Variants in TSC2 observed in about 807,000 individuals in gnomAD.
The protein encoded by TSC2 is TSC complex subunit 2, also known as tuberin.
Under a neutral mutation model 202.2 loss-of-function variants are expected in TSC2, and 29 were observed. That is an observed-to-expected ratio of 0.14 (90% CI 0.11 to 0.20). TSC2 has a LOEUF of 0.20. Ranked by LOEUF, TSC2 falls within the 10% of genes least tolerant of loss-of-function variation. The pLI is 1.00. For missense variants in TSC2, 2,429 were observed against 2,420.0 expected (o/e 1.00, Z -0.08); for synonymous variants, 1,349 against 1,044.0 (o/e 1.29, Z -5.63).
chr16:2,085,413 CAG>C, intron 36 of TSC2, 91 bp downstream of exon 36: 3 of 1,332,210 alleles, frequency 2.3e-6, no homozygotes, highest in Non-Finnish European at 3.2e-6. Context: ...CAACGCCCCA[CAG>C]AGCTCAACAC....
chr16:2,084,082 A>C (rs2090462282), intron 33 of TSC2, 146 bp from the exon 34 acceptor site: 1 of 1,447,430 alleles, frequency 6.9e-7, no homozygotes, highest in Admixed American at 2.0e-5. Flanking sequence ...CTGCTGCGTC[A>C]ACGGGCGGGG....
Position 2,056,635 on chromosome 16 carries a change from C to T in TSC2, c.649-9C>T, listed in dbSNP as rs781099543. ...TAGGACGGGCGTGAGCCGTCTCCCT[C>T]TCCACCAGGTCTCCCTGCAGGTGCT... On this transcript the variant is annotated splice_polypyrimidine_tract_variant and intron_variant, in intron 7 of 41. Coordinates refer to ENST00000219476, the MANE Select transcript of TSC2 (RefSeq NM_000548.5). The T allele has an allele frequency of 2.5e-6, 4 of 1,609,302 alleles. No homozygotes were observed. The highest frequency in any genetic ancestry group is 2.7e-5 in the African/African-American group (2 of 75,044).
chr16:2,078,768 C>T (rs1041829641), intron 26 of TSC2: 2 of 542,738 alleles, frequency 3.7e-6, no homozygotes, highest in African/African-American at 1.9e-5. Context: ...CCGTGGGCTT[C>T]GGTGAGGGGG....
intron 19 of TSC2, 52 bp from the exon 20 acceptor site, chr16:2,072,189 C>T (rs1055223678): frequency 4.3e-6 from 7 of 1,611,952 alleles, no homozygotes; most frequent in African/African-American, 4.0e-5. Context: ...TAGCTTCCGC[C>T]TCTGTCTCTA....
At chr16:2,069,504 C>CGG (rs1445271604) in intron 16 of TSC2, among the ~76,000 whole-genome samples, 1 of 141,636 alleles carries the variant, frequency 7.1e-6, no homozygotes, top group African/African-American at 2.7e-5. Context: ...TTTTTTGAGA[C>CGG]AGTCTTGCTC....
chr16:2,081,436 T>C, intron 30 of TSC2, 159 bp from the exon 31 acceptor site: 2 of 930,246 alleles, frequency 2.1e-6, no homozygotes, highest in South Asian at 2.7e-5. Context: ...GCAGGGTGGG[T>C]GGCCGTCAGA....
intron 16 of TSC2, among the ~76,000 whole-genome samples, chr16:2,067,513 G>A (rs1299502635): frequency 2.7e-5 from 4 of 150,592 alleles, no homozygotes; most frequent in African/African-American, 7.4e-5. Flanking sequence ...GCTCATGCCC[G>A]TAATCCCAGC....
chr16:2,084,921 C>G, intron 34 of TSC2, 30 bp from the exon 35 acceptor site: 16 of 1,612,818 alleles, frequency 9.9e-6, no homozygotes, highest in Non-Finnish European at 1.4e-5. Context: ...AGGCCCTCAC[C>G]TGGGTGCCCA....
intron 2 of TSC2, among the ~76,000 whole-genome samples, chr16:2,050,080 C>T (rs971129610): frequency 3.3e-5 from 5 of 151,580 alleles, no homozygotes; most frequent in African/African-American, 7.3e-5. Context: ...CTCACTCTCC[C>T]GAGTAGCTGG....
intron 15 of TSC2, chr16:2,065,311 G>T: frequency 1.8e-6 from 1 of 570,936 alleles, no homozygotes; most frequent in Non-Finnish European, 3.2e-6. Context: ...TACTGGGGAG[G>T]CTGAGGCAGG....
chr16:2,058,261 A>G (rs925670192), intron 9 of TSC2, among the ~76,000 whole-genome samples: 2 of 152,084 alleles, frequency 1.3e-5, no homozygotes, highest in African/African-American at 4.8e-5. Flanking sequence ...CCCTCCACCA[A>G]GGGCTTGTGC....
chr16:2,085,273 C>T lies in TSC2; in HGVS notation c.4613C>T (p.Pro1538Leu), dbSNP rs753060862. Residue 1538 changes from proline to leucine, a missense_variant, in exon 36 of 42, where the codon CCA (proline) becomes CTA (leucine). Physicochemically the swap from Pro to Leu is moderately conservative, Grantham distance 98. Coordinates refer to ENST00000219476, the MANE Select transcript of TSC2 (RefSeq NM_000548.5). ...TCGGTGCAGCTCCTCGACCAGATCC[C>T]ATCATACGACACCCACAAGATCGCC... is the stretch of plus-strand genomic sequence containing the variant. ...ERSVQLLDQI[P>L]SYDTHKIAVL... The T allele has an allele frequency of 1.9e-6, 3 of 1,612,758 alleles. No homozygotes were observed. In the South Asian group the frequency reaches 3.3e-5, roughly 18 times the overall value.
At position 2,072,368 on chromosome 16, in the gene TSC2, C is replaced by T. The variant is rs1164941572; in HGVS notation, c.2220+5C>T. On this transcript the variant is annotated splice_donor_5th_base_variant and intron_variant, in intron 20 of 41. Transcript: ENST00000219476. ...TGCTCTGCTCTCTGCTCCATGGTAC[C>T]ATGGCCGGCCTGGGGTTGGGGTGGG... The T allele has an allele frequency of 1.9e-6, 3 of 1,613,782 alleles. No homozygotes were observed. The highest frequency in any genetic ancestry group is 2.5e-6 in the Non-Finnish European group (3 of 1,179,944).
At chr16:2,057,653 G>A (rs922450350) in intron 9 of TSC2, among the ~76,000 whole-genome samples, 21 of 152,134 alleles carry the variant, frequency 1.4e-4, no homozygotes, top group African/African-American at 4.1e-4. Context: ...TGCAGCACCC[G>A]GGTGGCCTTT....
chr16:2,073,997 C>G (rs1036225540), intron 21 of TSC2, among the ~76,000 whole-genome samples: 1 of 152,254 alleles, frequency 6.6e-6, no homozygotes, highest in African/African-American at 2.4e-5. Flanking sequence ...CCTGTGGGAT[C>G]GTGTCGGAAT....
chr16:2,071,492 C>G lies in TSC2; in HGVS notation c.1840-18C>G. ...TGCACGAGCTTGGCTCTGGCTTTCACCATCCTCTTCCTGACAGGCCTTTGA... is the reference window on the plus strand; with the variant it reads ...TGCACGAGCTTGGCTCTGGCTTTCAGCATCCTCTTCCTGACAGGCCTTTGA... On this transcript the variant is annotated intron_variant, in intron 17 of 41. Coordinates refer to ENST00000219476, the MANE Select transcript of TSC2 (RefSeq NM_000548.5). 1 of 1,613,240 alleles carries G rather than the reference C, an allele frequency of 6.2e-7. No individual in the cohort carries two copies. The highest frequency in any genetic ancestry group is 2.2e-5 in the East Asian group (1 of 44,894).
rs397515074 is a variant in TSC2 at position 2,085,150 on chromosome 16, A to G, written c.4570-80A>G. 1.2e-5 allele frequency: 20 copies of G among 1,604,694 alleles called. No individual in the cohort carries two copies. The highest frequency in any genetic ancestry group is 1.7e-5 in the Non-Finnish European group (20 of 1,175,232). On this transcript the variant is annotated intron_variant, in intron 35 of 41. Coordinates refer to ENST00000219476, the MANE Select transcript of TSC2 (RefSeq NM_000548.5). ...GGCTCTGGCCTAAGCTCCCTGTGGC[A>G]GCCTGCCGTGACCGGCCTGGGTGGG...
intron 38 of TSC2, among the ~76,000 whole-genome samples, 176 bp from the exon 39 acceptor site, chr16:2,087,686 AG>A (rs1462374203): frequency 1.3e-5 from 2 of 151,886 alleles, no homozygotes; most frequent in African/African-American, 4.8e-5. Flanking sequence ...CCAGATGTGG[AG>A]GGGGCTTGGC....
intron 25 of TSC2, among the ~76,000 whole-genome samples, chr16:2,077,053 C>T (rs1463085815): frequency 2.0e-5 from 3 of 152,266 alleles, no homozygotes; most frequent in South Asian, 2.1e-4. Context: ...TTTTGGCTTT[C>T]CCTAGATGGG....
Sources: gnomAD v4.1 joint callset for allele counts (sites outside exome capture counted in the v4.1 genomes callset) on GRCh38, gnomAD v4.1.1 for gene constraint, MANE v1.5 for transcripts, NCBI Gene and HGNC (gene_info 2026-07-23, HGNC 2026-07-21) for gene names.